The following RNLS variants were observed in gnomAD, a reference collection of about 807,000 sequenced individuals.
RNLS encodes the protein renalase, FAD dependent amine oxidase, also known as renalase.
Under a neutral mutation model 39.8 loss-of-function variants are expected in RNLS, and 39 were observed. The ratio of observed to expected loss-of-function variants is 0.98; its 90% CI spans 0.76 to 1.28. The LOEUF (loss-of-function observed/expected upper bound fraction) is 1.28, where lower values mean the gene tolerates loss of function less well. Among genes scored for constraint, RNLS ranks in the 50% most tolerant of loss-of-function variants. The probability of loss-of-function intolerance (pLI) is 0.00; values close to 1 mark genes in which losing one functional copy is unlikely to be tolerated. For missense variants in RNLS, 410 were observed against 413.3 expected (o/e 0.99, Z 0.07); for synonymous variants, 147 against 150.7 (o/e 0.98, Z 0.18).
the RNLS span, among the ~76,000 whole-genome samples, chr10:88,243,503 A>G: frequency 6.6e-6 from 1 of 152,222 alleles, no homozygotes; most frequent in Admixed American, 6.5e-5. Context: ...GCATTTCCCC[A>G]AAGGCAAAGC....
At chr10:88,311,134 A>G (rs1845348308) in intron 6 of RNLS, among the ~76,000 whole-genome samples, 1 of 152,130 alleles carries the variant, frequency 6.6e-6, no homozygotes, top group Non-Finnish European at 1.5e-5. Flanking sequence ...TTGAAGAAAG[A>G]GGGGGAAAAT....
intron 5 of RNLS, among the ~76,000 whole-genome samples, chr10:88,355,599 G>A (rs187290080): frequency 2.1e-4 from 32 of 152,254 alleles, no homozygotes; most frequent in African/African-American, 6.7e-4. Flanking sequence ...ATACCTGGCC[G>A]TGTGACGTGT....
chr10:88,573,387 C>T (rs541841603), intron 3 of RNLS, among the ~76,000 whole-genome samples: 1 of 152,198 alleles, frequency 6.6e-6, no homozygotes, highest in Non-Finnish European at 1.5e-5. Flanking sequence ...ACTAATTTAT[C>T]TCACAGACAA....
chr10:88,458,105 GACA>G (rs1271184014), intron 4 of RNLS, among the ~76,000 whole-genome samples: 10 of 152,116 alleles, frequency 6.6e-5, no homozygotes, highest in Non-Finnish European at 1.3e-4. Flanking sequence ...GTCCTTCCAG[GACA>G]TCCATCATGG....
intron 4 of RNLS, among the ~76,000 whole-genome samples, chr10:88,450,613 G>A (rs1365221493): frequency 6.6e-6 from 1 of 151,190 alleles, no homozygotes; most frequent in African/African-American, 2.4e-5. Context: ...GGTCAGTGAG[G>A]AAAACGGGGG....
chr10:88,512,218 A>T (rs771634915), intron 4 of RNLS, among the ~76,000 whole-genome samples: 1 of 152,184 alleles, frequency 6.6e-6, no homozygotes, highest in African/African-American at 2.4e-5. Context: ...TCTTTTTAAA[A>T]GGAAGATGCG....
At chr10:88,255,114 A>C in the RNLS span, among the ~76,000 whole-genome samples, 1 of 152,178 alleles carries the variant, frequency 6.6e-6, no homozygotes, top group Non-Finnish European at 1.5e-5. Context: ...AACAGCAAGG[A>C]AGACCTGTGT....
At chr10:88,463,938 T>C (rs1843068720) in intron 4 of RNLS, among the ~76,000 whole-genome samples, 1 of 151,986 alleles carries the variant, frequency 6.6e-6, no homozygotes, top group Admixed American at 6.6e-5. Context: ...TCTCTTTAAC[T>C]TTTCTTCCTA....
rs191906193 is a variant in RNLS at position 88,545,955 on chromosome 10, C to A, written c.526+26948G>T. Among the ~76,000 whole-genome samples, 1,129 of 150,756 alleles carry A rather than the reference C, an allele frequency of 7.5e-3. 4 individuals carry two copies. The highest frequency in any genetic ancestry group is 0.011 in the Non-Finnish European group (777 of 67,800). ...AATTAGCTAAGAAAATCTGAGTCACCATTCATTCATTCAATAAATAATTAT... is the reference window on the plus strand; with the variant it reads ...AATTAGCTAAGAAAATCTGAGTCACAATTCATTCATTCAATAAATAATTAT... On this transcript the variant is annotated intron_variant, in intron 4 of 6. Coordinates refer to ENST00000331772, the MANE Select transcript of RNLS (RefSeq NM_001031709.3).
intron 4 of RNLS, among the ~76,000 whole-genome samples, chr10:88,468,211 C>T (rs1042658846): frequency 2.0e-5 from 3 of 152,044 alleles, no homozygotes; most frequent in African/African-American, 4.8e-5. Context: ...CACAAATTAG[C>T]AACAACAAAA....
At position 88,284,315 on chromosome 10, in the gene RNLS, G is replaced by A. The variant is rs1047004121; in HGVS notation, c.*1039C>T. On this transcript the variant is annotated 3_prime_UTR_variant, in exon 7 of 7. Transcript: ENST00000331772. Reference sequence around the variant, plus strand: ...TTTTGTTAGTTTGAGAGGCTGCAATGATTTTTCTCCTTTCAAAATGCTGAA... The same window carrying A: ...TTTTGTTAGTTTGAGAGGCTGCAATAATTTTTCTCCTTTCAAAATGCTGAA... 2.0e-6 allele frequency: 2 copies of A among 985,336 alleles called. No individual in the cohort carries two copies. Among genetic ancestry groups the A allele is most frequent in the Non-Finnish European group, 2.4e-6 (2 of 829,878 alleles). 61.0% of individuals were successfully genotyped at this position (985,336 alleles called of 1,614,324 possible).
chr10:88,235,291 A>AG, the RNLS span, among the ~76,000 whole-genome samples: 3 of 148,804 alleles, frequency 2.0e-5, no homozygotes, highest in African/African-American at 4.9e-5. Flanking sequence ...AAAAAAAAAA[A>AG]GAAAGAAATC....
intron 5 of RNLS, among the ~76,000 whole-genome samples, chr10:88,336,287 T>A (rs563791332): frequency 2.0e-5 from 3 of 152,358 alleles, no homozygotes; most frequent in Admixed American, 2.0e-4. Flanking sequence ...TACTAATAGA[T>A]CTGTGGATGT....
intron 4 of RNLS, among the ~76,000 whole-genome samples, chr10:88,375,578 A>C (rs184419966): frequency 6.6e-6 from 1 of 152,182 alleles, no homozygotes; most frequent in Non-Finnish European, 1.5e-5. Flanking sequence ...CTAATTGGAA[A>C]CAATCAGATT....
chr10:88,211,268 C>A, the RNLS span, among the ~76,000 whole-genome samples: 1 of 152,166 alleles, frequency 6.6e-6, no homozygotes, highest in Non-Finnish European at 1.5e-5. Flanking sequence ...TCAATTCTCT[C>A]CCAATGCATG....
At chr10:88,527,107 T>C (rs1383070884) in intron 4 of RNLS, among the ~76,000 whole-genome samples, 1 of 152,152 alleles carries the variant, frequency 6.6e-6, no homozygotes, top group Non-Finnish European at 1.5e-5. Flanking sequence ...TGCAGAATCA[T>C]GTAGGTGTAC....
At chr10:88,231,231 G>A in the RNLS span, among the ~76,000 whole-genome samples, 3 of 152,198 alleles carry the variant, frequency 2.0e-5, no homozygotes, top group African/African-American at 7.2e-5. Context: ...ATTAGGTTAA[G>A]CCTCTAATTC....
chr10:88,368,796 T>C (rs1449893756), intron 4 of RNLS, among the ~76,000 whole-genome samples: 1 of 151,860 alleles, frequency 6.6e-6, no homozygotes, highest in South Asian at 2.1e-4. Flanking sequence ...TTCTAATTAT[T>C]TCCTTAAGAT....
intron 5 of RNLS, among the ~76,000 whole-genome samples, chr10:88,360,837 A>G (rs1465364376): frequency 6.6e-6 from 1 of 152,228 alleles, no homozygotes; most frequent in Non-Finnish European, 1.5e-5. Context: ...TGGGAGTGGA[A>G]GAGAGCAGAG....
Sources: allele counts gnomAD v4.1 joint callset (sites outside exome capture counted in the v4.1 genomes callset), GRCh38; gene constraint gnomAD v4.1.1; transcripts MANE v1.5; gene names NCBI Gene and HGNC (gene_info 2026-07-23, HGNC 2026-07-21).